The following RNF24 variants were observed in gnomAD, a reference collection of about 807,000 sequenced individuals.
RNF24 encodes the protein ring finger protein 24.
A neutral mutation model predicts 20.0 loss-of-function variants in RNF24; 14 were observed. The ratio of observed to expected loss-of-function variants is 0.70; its 90% CI spans 0.46 to 1.10. The LOEUF (loss-of-function observed/expected upper bound fraction) is 1.10. Among genes scored for constraint, RNF24 ranks in the 50% least tolerant of loss-of-function variants. The pLI, the probability that RNF24 is intolerant of heterozygous loss-of-function variation, is 0.00. For synonymous variants in RNF24, 45 were observed against 61.1 expected (o/e 0.74, Z 1.23); for missense variants, 124 against 177.6 (o/e 0.70, Z 1.71).
chr20:3,958,624 T>C (rs1189917197), intron 2 of RNF24, among the ~76,000 whole-genome samples: 2 of 152,320 alleles, frequency 1.3e-5, no homozygotes, highest in South Asian at 4.1e-4. Flanking sequence ...AGGGCATCTT[T>C]CTCACAATAT....
Position 3,934,246 on chromosome 20 carries a change from C to T in RNF24, c.309-45G>A. On this transcript the variant is annotated intron_variant, in intron 5 of 5. Transcript: ENST00000358395. The surrounding 1 kb of genome is among the most constrained non-coding windows in gnomAD (Gnocchi z 4.0). ...AGGGGGAAGATGTCAGTCCTATGCT[C>T]ATGGCACGGCTGTTCTGCTGAACAT... 6.4e-7 allele frequency: 1 copy of T among 1,574,272 alleles called. No homozygotes were observed. The highest frequency in any genetic ancestry group is 8.6e-7 in the Non-Finnish European group (1 of 1,160,786).
chr20:3,950,450 CAAGA>C (rs923701714), intron 2 of RNF24, among the ~76,000 whole-genome samples: 12 of 152,266 alleles, frequency 7.9e-5, no homozygotes, highest in African/African-American at 2.6e-4. Context: ...TAGGAAGAGG[CAAGA>C]AAGACTCTCT....
At chr20:3,988,064 T>C (rs1980086960) in intron 1 of RNF24, among the ~76,000 whole-genome samples, 1 of 152,132 alleles carries the variant, frequency 6.6e-6, no homozygotes, top group Non-Finnish European at 1.5e-5. Flanking sequence ...CGCTCATGCC[T>C]ATAATCCCAG....
At chr20:4,011,469 T>A (rs966671903) in intron 1 of RNF24, among the ~76,000 whole-genome samples, 1 of 138,286 alleles carries the variant, frequency 7.2e-6, no homozygotes, top group Non-Finnish European at 1.7e-5. Context: ...AGTCCCAGGA[T>A]GATGGCTATG....
chr20:3,945,629 C>T (rs1490685197), intron 3 of RNF24, among the ~76,000 whole-genome samples: 2 of 151,228 alleles, frequency 1.3e-5, no homozygotes, highest in African/African-American at 4.9e-5. Flanking sequence ...GCAGGAGATT[C>T]ACTTGAACCC....
At chr20:4,008,291 C>A (rs1982044005) in intron 1 of RNF24, among the ~76,000 whole-genome samples, 1 of 127,276 alleles carries the variant, frequency 7.9e-6, no homozygotes, top group African/African-American at 3.0e-5. Flanking sequence ...TGCCAGAGTC[C>A]AGGTGCAAGA....
intron 1 of RNF24, among the ~76,000 whole-genome samples, chr20:3,993,019 T>C (rs1568658665): frequency 6.6e-6 from 1 of 152,182 alleles, no homozygotes; most frequent in African/African-American, 2.4e-5. Context: ...CTAGGAAAAA[T>C]TACCTAAAAA....
intron 1 of RNF24, among the ~76,000 whole-genome samples, chr20:3,988,651 G>A (rs1440961134): frequency 6.6e-6 from 1 of 151,898 alleles, no homozygotes; most frequent in African/African-American, 2.4e-5. Flanking sequence ...TAGAGATGGG[G>A]TCTTGCTATT....
chr20:3,990,250 CA>C (rs985466865), intron 1 of RNF24, among the ~76,000 whole-genome samples: 1 of 151,572 alleles, frequency 6.6e-6, no homozygotes, highest in Admixed American at 6.6e-5. Context: ...GAAACACCCC[CA>C]AAAAAAATCC....
intron 1 of RNF24, chr20:3,974,444 C>CA: frequency 6.8e-7 from 1 of 1,475,644 alleles, no homozygotes; most frequent in African/African-American, 1.4e-5. Context: ...AAGGCATACA[C>CA]ATCAGAAAGG....
chr20:3,979,540 T>G (rs1248466278), intron 1 of RNF24, among the ~76,000 whole-genome samples: 4 of 151,996 alleles, frequency 2.6e-5, no homozygotes, highest in Non-Finnish European at 4.4e-5. Context: ...CCGGGTGTGG[T>G]GGTGGGTGCC....
rs143926818 is a variant in RNF24 at position 3,944,567 on chromosome 20, A to C, written c.228+610T>G. On this transcript the variant is annotated intron_variant, in intron 4 of 5. Coordinates refer to ENST00000358395, the MANE Select transcript of RNF24 (RefSeq NM_001134337.3). ...GGTGATAAAAAATAAAAATTCTGAAAGTTTGTAGTCAGAGGCAACACAAGA... is the reference window on the plus strand; with the variant it reads ...GGTGATAAAAAATAAAAATTCTGAACGTTTGTAGTCAGAGGCAACACAAGA... 2.7e-4 allele frequency among the ~76,000 whole-genome samples: 41 copies of C among 152,336 alleles called. 1 individual carries two copies. The highest frequency in any genetic ancestry group is 9.4e-4 in the African/African-American group (39 of 41,584).
At chr20:3,974,181 T>TA (rs948033845) in intron 1 of RNF24, 10 of 718,472 alleles carry the variant, frequency 1.4e-5, no homozygotes, top group African/African-American at 7.5e-5. Flanking sequence ...ACCCAGAAAT[T>TA]AAAAAACTCC....
chr20:3,950,007 T>G (rs1355050368), intron 2 of RNF24, among the ~76,000 whole-genome samples: 1 of 152,192 alleles, frequency 6.6e-6, no homozygotes, highest in Non-Finnish European at 1.5e-5. Context: ...GACTTTCATT[T>G]GCCTCACCAT....
At position 3,932,839 on chromosome 20, in the gene RNF24, T is replaced by C; in HGVS notation, c.*1224A>G. 1 of 398,232 alleles carries C rather than the reference T, an allele frequency of 2.5e-6. No homozygotes were observed. The highest frequency in any genetic ancestry group is 4.4e-6 in the Non-Finnish European group (1 of 226,060). The allele number at this position is 398,232 out of a possible 1,614,324, so 24.7% of individuals were successfully genotyped here. On this transcript the variant is annotated 3_prime_UTR_variant, in exon 6 of 6. Transcript: ENST00000358395. ...ACAAATCTTAATGGACTTTGAGTCA[T>C]TTCTAGAAAAGTTGGACAGAAAGAG... is the stretch of plus-strand genomic sequence containing the variant.
chr20:3,972,177 T>C (rs1978404966), intron 1 of RNF24, among the ~76,000 whole-genome samples: 1 of 152,104 alleles, frequency 6.6e-6, no homozygotes, highest in African/African-American at 2.4e-5. Context: ...TGAAAGGAGA[T>C]ATAAAGAAAT....
chr20:3,977,942 G>C (rs958652775), intron 1 of RNF24, among the ~76,000 whole-genome samples: 1 of 151,692 alleles, frequency 6.6e-6, no homozygotes, highest in African/African-American at 2.4e-5. Flanking sequence ...TCTAGGATGA[G>C]GAGAAGCTGG....
intron 1 of RNF24, among the ~76,000 whole-genome samples, chr20:3,993,351 G>A (rs139036361): frequency 0.018 from 2,660 of 151,922 alleles, 79 homozygotes; most frequent in African/African-American, 0.06. Flanking sequence ...ACAGTGGCCC[G>A]ATCTCAGCTC....
At position 3,931,905 on chromosome 20, in the gene RNF24, G is replaced by C. The variant is rs1352537917; in HGVS notation, c.*2158C>G. The C allele has an allele frequency of 6.6e-6, 1 of 152,322 alleles. No homozygotes were observed. The highest frequency in any genetic ancestry group is 2.1e-4 in the South Asian group (1 of 4,824). 9.4% of individuals were successfully genotyped at this position (152,322 alleles called of 1,614,324 possible). A position where few individuals can be genotyped will look rare whatever the true frequency, so the allele number is the denominator to read the frequency against. ...CAACATGCCTGTGGCTCTGACACGG[G>C]GGGATGAATTAACTTGCCTCTGTTC... On this transcript the variant is annotated 3_prime_UTR_variant, in exon 6 of 6. Coordinates refer to ENST00000358395, the MANE Select transcript of RNF24 (RefSeq NM_001134337.3).
Sources: allele counts gnomAD v4.1 joint callset (sites outside exome capture counted in the v4.1 genomes callset), GRCh38; gene constraint gnomAD v4.1.1; non-coding constraint Gnocchi (gnomAD v3.1); transcripts MANE v1.5; gene names NCBI Gene and HGNC (gene_info 2026-07-23, HGNC 2026-07-21).